Variants in ACER3 observed in about 807,000 individuals in gnomAD.
ACER3 encodes alkaline ceramidase 3.
In ACER3, 16 loss-of-function variants were observed where a neutral mutation model predicts 48.9. The ratio of observed to expected loss-of-function variants is 0.33; its 90% CI spans 0.22 to 0.50. ACER3 has a LOEUF of 0.50. ACER3 is among the 20% of genes least tolerant of loss of function. The pLI, the probability that ACER3 is intolerant of heterozygous loss-of-function variation, is 0.98. For synonymous variants in ACER3, 109 were observed against 107.8 expected (o/e 1.01, Z -0.07); for missense variants, 227 against 326.0 (o/e 0.70, Z 2.34).
chr11:76,974,166 TTTG>T (rs1463949172), intron 3 of ACER3, among the ~76,000 whole-genome samples: 1 of 152,182 alleles, frequency 6.6e-6, no homozygotes, highest in Non-Finnish European at 1.5e-5. Context: ...GTATTCCAAG[TTTG>T]TTGTTCTTTA....
intron 3 of ACER3, among the ~76,000 whole-genome samples, chr11:76,968,919 C>G (rs539000469): frequency 6.6e-6 from 1 of 152,252 alleles, no homozygotes; most frequent in African/African-American, 2.4e-5. Flanking sequence ...AAAGCAATGG[C>G]AACAAAAGCC....
At chr11:76,988,205 G>A (rs182510590) in intron 5 of ACER3, among the ~76,000 whole-genome samples, 11 of 152,326 alleles carry the variant, frequency 7.2e-5, no homozygotes, top group Admixed American at 2.6e-4. Context: ...GATGCTGTCA[G>A]TAGTGAATTG....
chr11:76,997,746 G>A (rs1043693041), intron 6 of ACER3, among the ~76,000 whole-genome samples: 1 of 152,182 alleles, frequency 6.6e-6, no homozygotes, highest in Non-Finnish European at 1.5e-5. Context: ...GCTGAGGCAA[G>A]AGGATGGCTT....
chr11:77,009,841 G>A (rs1403493155), intron 7 of ACER3, among the ~76,000 whole-genome samples: 5 of 151,288 alleles, frequency 3.3e-5, no homozygotes, highest in Non-Finnish European at 7.4e-5. Context: ...GAGAGAGATT[G>A]TGGTAAACTT....
intron 5 of ACER3, among the ~76,000 whole-genome samples, chr11:76,985,983 G>A (rs1267922431): frequency 6.6e-6 from 1 of 152,002 alleles, no homozygotes; most frequent in African/African-American, 2.4e-5. Context: ...GCAATAATTG[G>A]GAAAAATTAA....
At chr11:76,960,338 G>C (rs957656269) in intron 3 of ACER3, among the ~76,000 whole-genome samples, 1 of 152,084 alleles carries the variant, frequency 6.6e-6, no homozygotes, top group Non-Finnish European at 1.5e-5. Flanking sequence ...GAGCCTGGGA[G>C]GCGGAGATCG....
intron 1 of ACER3, among the ~76,000 whole-genome samples, chr11:76,881,755 A>G (rs1338311867): frequency 1.3e-5 from 2 of 152,156 alleles, no homozygotes; most frequent in East Asian, 1.9e-4. Context: ...GTAGCTTACC[A>G]TTTCTGATGC....
chr11:76,904,214 T>C (rs1946157758), intron 1 of ACER3, among the ~76,000 whole-genome samples: 1 of 152,120 alleles, frequency 6.6e-6, no homozygotes, highest in Non-Finnish European at 1.5e-5. Flanking sequence ...CTCGAACTCC[T>C]GACCTTAAGT....
chr11:76,900,894 C>T (rs779879956), intron 1 of ACER3, among the ~76,000 whole-genome samples: 10 of 152,204 alleles, frequency 6.6e-5, no homozygotes, highest in Non-Finnish European at 1.2e-4. Context: ...GCCGTATCTA[C>T]AATCTGTTTC....
At chr11:76,975,509 G>A (rs900858304) in intron 3 of ACER3, among the ~76,000 whole-genome samples, 1 of 151,870 alleles carries the variant, frequency 6.6e-6, no homozygotes, top group African/African-American at 2.4e-5. Context: ...TATTTCCCTG[G>A]CCATTAATAC....
intron 9 of ACER3, among the ~76,000 whole-genome samples, chr11:77,019,011 T>G (rs530209108): frequency 6.6e-6 from 1 of 152,364 alleles, no homozygotes; most frequent in South Asian, 2.1e-4. Flanking sequence ...AGATACCATC[T>G]AGGATTTTCA....
At chr11:76,977,739 G>A (rs1404948873) in intron 4 of ACER3, among the ~76,000 whole-genome samples, 1 of 152,182 alleles carries the variant, frequency 6.6e-6, no homozygotes, top group Non-Finnish European at 1.5e-5. Context: ...GTCCCCTACT[G>A]AGTTGGTGGG....
intron 3 of ACER3, among the ~76,000 whole-genome samples, chr11:76,970,811 C>G (rs1028951808): frequency 1.3e-5 from 2 of 152,018 alleles, no homozygotes; most frequent in African/African-American, 4.8e-5. Context: ...TGTGGAGCCA[C>G]TGCCACTATC....
In ACER3 at chr11:76,898,903, CAAAAAAAAAAAAA is replaced by C. The variant is rs59278347; in HGVS notation, c.104-27637_104-27625del. Among the ~76,000 whole-genome samples the C allele has an allele frequency of 7.9e-3, 439 of 55,864 alleles. 7 individuals carry two copies. Among genetic ancestry groups the C allele is most frequent in the African/African-American group, 0.035 (410 of 11,768 alleles). The allele number at this position is 55,864 out of a possible 152,430, so 36.6% of individuals were successfully genotyped here. ...TGGGCGACAGAGCGAGACTCCGTCT[CAAAAAAAAAAAAA>C]AAAAAAAAAAAAAAAATCCTCGTTG... On this transcript the variant is annotated intron_variant, in intron 1 of 10. Coordinates refer to ENST00000532485, the MANE Select transcript of ACER3 (RefSeq NM_018367.7).
intron 1 of ACER3, among the ~76,000 whole-genome samples, chr11:76,893,630 G>T (rs1167932233): frequency 6.6e-6 from 1 of 152,088 alleles, no homozygotes; most frequent in African/African-American, 2.4e-5. Flanking sequence ...ACCAGCCTGG[G>T]CAACATAGCG....
intron 7 of ACER3, among the ~76,000 whole-genome samples, chr11:77,004,581 A>C (rs1949096215): frequency 6.6e-6 from 1 of 152,052 alleles, no homozygotes; most frequent in African/African-American, 2.4e-5. Flanking sequence ...TGCTCCTCAC[A>C]TTTTGCAAGT....
intron 2 of ACER3, among the ~76,000 whole-genome samples, chr11:76,958,677 G>C (rs942040251): frequency 6.6e-6 from 1 of 152,142 alleles, no homozygotes; most frequent in South Asian, 2.1e-4. Flanking sequence ...TAGCTAACCA[G>C]CTATGTGCAT....
chr11:76,928,648 G>A (rs1417888012), intron 2 of ACER3, among the ~76,000 whole-genome samples: 5 of 152,158 alleles, frequency 3.3e-5, no homozygotes, highest in Non-Finnish European at 4.4e-5. Context: ...TAAGGTGTAA[G>A]GAAGGGATCC....
chr11:76,998,871 T>C, intron 7 of ACER3, 50 bp downstream of exon 7: 1 of 1,403,514 alleles, frequency 7.1e-7, no homozygotes, highest in South Asian at 1.3e-5. Flanking sequence ...TTCAGACCTA[T>C]AACAGTAAAT....
Sources: allele counts gnomAD v4.1 joint callset (sites outside exome capture counted in the v4.1 genomes callset), GRCh38; gene constraint gnomAD v4.1.1; transcripts MANE v1.5; gene names NCBI Gene and HGNC (gene_info 2026-07-23, HGNC 2026-07-21).